Variants in MACF1 observed in about 807,000 individuals in gnomAD.
MACF1 encodes the protein microtubule-actin cross-linking factor 1.
MACF1 carries 193 observed loss-of-function variants against 854.8 expected under a neutral mutation model. The observed-to-expected ratio is 0.23, with a 90% CI of 0.20 to 0.25. The LOEUF is 0.25. MACF1 is among the 10% of genes least tolerant of loss of function. The probability of loss-of-function intolerance (pLI) is 1.00; values close to 1 mark genes in which losing one functional copy is unlikely to be tolerated. For synonymous variants in MACF1, 3,185 were observed against 3,226.7 expected (o/e 0.99, Z 0.44); for missense variants, 7,722 against 8,929.1 (o/e 0.86, Z 5.45).
At chr1:39,098,949 A>G (rs1208318338) in intron 2 of MACF1, among the ~76,000 whole-genome samples, 2 of 152,222 alleles carry the variant, frequency 1.3e-5, no homozygotes, top group African/African-American at 2.4e-5. Flanking sequence ...CTGGTGCCCA[A>G]GAGGCTGGTG....
chr1:39,097,169 G>C (rs77358798), intron 2 of MACF1, among the ~76,000 whole-genome samples: 2,594 of 152,028 alleles, frequency 0.017, 58 homozygotes, highest in African/African-American at 0.058. Context: ...GAGCCACCGC[G>C]CCTGGCCTCT....
chr1:39,106,581 A>T (rs1485245498), intron 2 of MACF1, among the ~76,000 whole-genome samples: 1 of 152,084 alleles, frequency 6.6e-6, no homozygotes, highest in Non-Finnish European at 1.5e-5. Flanking sequence ...GCTGGCAGTT[A>T]TGCTTTCCAC....
intron 2 of MACF1, among the ~76,000 whole-genome samples, chr1:39,168,417 G>A (rs566500034): frequency 1.3e-5 from 2 of 152,290 alleles, no homozygotes; most frequent in East Asian, 3.9e-4. Context: ...AGTTTTCTAA[G>A]GGGTAAGGCA....
intron 33 of MACF1, among the ~76,000 whole-genome samples, chr1:39,323,960 A>G (rs534422168): frequency 6.6e-6 from 1 of 152,200 alleles, no homozygotes; most frequent in Non-Finnish European, 1.5e-5. Context: ...TATATAAAAC[A>G]GTGGTTTGTA....
chr1:39,195,032 C>G (rs759648964), intron 2 of MACF1, among the ~76,000 whole-genome samples: 2 of 152,192 alleles, frequency 1.3e-5, no homozygotes, highest in Admixed American at 6.5e-5. Context: ...TATCTTCCTT[C>G]CAGCTCCAAG....
At chr1:39,450,784 T>C (rs1644327089) in intron 84 of MACF1, among the ~76,000 whole-genome samples, 1 of 151,896 alleles carries the variant, frequency 6.6e-6, no homozygotes, top group Non-Finnish European at 1.5e-5. Context: ...GCTAATTTTT[T>C]GTATTTTTAG....
At chr1:39,166,640 A>G (rs1272844381) in intron 2 of MACF1, among the ~76,000 whole-genome samples, 2 of 151,404 alleles carry the variant, frequency 1.3e-5, no homozygotes, top group Non-Finnish European at 2.9e-5. Flanking sequence ...TTTAGTAGAG[A>G]CGGGGTTTCA....
chr1:39,324,410 T>C, intron 34 of MACF1, 65 bp downstream of exon 34: 2 of 1,562,636 alleles, frequency 1.3e-6, no homozygotes, highest in Admixed American at 3.7e-5. Flanking sequence ...TTAGGTGGAA[T>C]AGTAGAAGTC....
At position 39,447,582 on chromosome 1, in the gene MACF1, C is replaced by A; in HGVS notation, c.19756C>A (p.His6586Asn). 6.2e-7 allele frequency: 1 copy of A among 1,614,096 alleles called. No individual in the cohort carries two copies. The highest frequency in any genetic ancestry group is 1.1e-5 in the South Asian group (1 of 91,072). ...TACTGTCCTTTCCCAGATAGAAGAG[C>A]ACAAGGTAAGTATGATATTATGATG... The part of the protein sequence containing the change: ...LNTVLSQIEE[H>N]KVFANEVNAH... Residue 6586 changes from histidine to asparagine, a missense_variant, in exon 81 of 101, where the codon CAC becomes AAC. Coordinates refer to ENST00000564288, the MANE Select transcript of MACF1 (RefSeq NM_001394062.1).
rs1042947463 is a variant in MACF1, at chr1:39,464,973, T to C, written c.21754-122T>C. ...AGGAGCTTGGTAAGAATATGTTCAGTGTGTGTCACTTTGCCAGAAAAATGT... is the reference window on the plus strand; with the variant it reads ...AGGAGCTTGGTAAGAATATGTTCAGCGTGTGTCACTTTGCCAGAAAAATGT... On this transcript the variant is annotated intron_variant, in intron 94 of 100. Coordinates refer to ENST00000564288, the MANE Select transcript of MACF1 (RefSeq NM_001394062.1). 18 of 864,366 alleles carry C rather than the reference T, an allele frequency of 2.1e-5. No homozygotes were observed. In the African/African-American group the frequency reaches 2.3e-4, roughly 11 times the overall value. 53.5% of individuals were successfully genotyped at this position (864,366 alleles called of 1,614,324 possible).
At chr1:39,274,102 G>A (rs973464026) in intron 6 of MACF1, among the ~76,000 whole-genome samples, 3 of 152,020 alleles carry the variant, frequency 2.0e-5, no homozygotes, top group African/African-American at 4.8e-5. Flanking sequence ...TTAGCTATGA[G>A]TTGATAATGG....
intron 6 of MACF1, among the ~76,000 whole-genome samples, chr1:39,275,476 C>T (rs970896350): frequency 6.6e-6 from 1 of 152,056 alleles, no homozygotes; most frequent in African/African-American, 2.4e-5. Context: ...GCCATAAACT[C>T]CTGGACTCAA....
chr1:39,133,591 AGGT>A (rs1025546747), intron 2 of MACF1, among the ~76,000 whole-genome samples: 18 of 151,948 alleles, frequency 1.2e-4, no homozygotes, highest in Non-Finnish European at 8.8e-5. Flanking sequence ...AACTTTATAA[AGGT>A]ATAATTGATA....
Position 39,335,742 on chromosome 1 carries a change from G to A in MACF1, c.9154G>A (p.Gly3052Arg). Residue 3052 changes from glycine (G) to arginine (R), a missense_variant, in exon 37 of 101, where the codon GGA becomes AGA. Physicochemically the swap from Gly to Arg is moderately radical, Grantham distance 125 (BLOSUM62 -2). Around this residue, in one of 15 missense-constraint regions of MACF1, gnomAD observed 854 missense variants for 852.6 expected, o/e 1.00. Coordinates refer to ENST00000564288, the MANE Select transcript of MACF1 (RefSeq NM_001394062.1). ...GTCCTCTTCCCAAGTGGTACCTCAA[G>A]GAATTTCTGTAAAACATTTAGATGC... ...EESSSQVVPQGISVKHLDALT... is the reference protein window; with the variant it reads ...EESSSQVVPQRISVKHLDALT... 6.2e-7 allele frequency: 1 copy of A among 1,613,930 alleles called. No homozygotes were observed. The highest frequency in any genetic ancestry group is 8.5e-7 in the Non-Finnish European group (1 of 1,179,968).
intron 61 of MACF1, 81 bp from the exon 62 acceptor site, chr1:39,427,374 A>C (rs1643760923): frequency 5.9e-6 from 7 of 1,192,012 alleles, no homozygotes; most frequent in Non-Finnish European, 8.4e-6. Flanking sequence ...GGAAAAGACT[A>C]TTCTTTTACT....
Position 39,429,955 on chromosome 1 carries a change from T to G in MACF1, c.17017T>G (p.Ser5673Ala), listed in dbSNP as rs568489666. The change falls in exon 65 of 101, where the codon TCT becomes GCT. Residue 5673 changes from serine (S) to alanine (A), a missense_variant. Around this residue, in one of 15 missense-constraint regions of MACF1, gnomAD observed 2,807 missense variants for 3,235.8 expected, o/e 0.87. Coordinates refer to ENST00000564288, the MANE Select transcript of MACF1 (RefSeq NM_001394062.1). ...QARQLATKFQ[S>A]TYEELTGWLR... ...CCGGCAGCTGGCCACCAAGTTCCAG[T>G]CTACTTATGAGGAACTGACCGGGTG... 3.2e-5 allele frequency: 51 copies of G among 1,614,006 alleles called. 1 individual carries two copies. The East Asian group carries it at 5.1e-4, about 16-fold the overall frequency.
intron 2 of MACF1, among the ~76,000 whole-genome samples, chr1:39,097,648 G>A (rs1388558902): frequency 6.6e-6 from 1 of 152,114 alleles, no homozygotes; most frequent in Non-Finnish European, 1.5e-5. Flanking sequence ...CTTGAGCCTG[G>A]GAGGTTGAGG....
At chr1:39,091,411 A>G (rs1557446320) in intron 2 of MACF1, among the ~76,000 whole-genome samples, 1 of 152,184 alleles carries the variant, frequency 6.6e-6, no homozygotes, top group Non-Finnish European at 1.5e-5. Flanking sequence ...GGGGAGCAAG[A>G]GCACTACCTC....
Position 39,105,392 on chromosome 1 carries a change from G to A in MACF1, c.220+20954G>A. 1 of 987,088 alleles carries A rather than the reference G, an allele frequency of 1.0e-6. No individual in the cohort carries two copies. Among genetic ancestry groups the A allele is most frequent in the Non-Finnish European group, 1.2e-6 (1 of 832,034 alleles). The allele number at this position is 987,088 out of a possible 1,614,324, so 61.1% of individuals were successfully genotyped here. ...GGGAGGAGCGGAGCCGAGGGGTGAG[G>A]ACGCGGAAACGCGAGCCGGGACCGG... On this transcript the variant is annotated intron_variant, in intron 2 of 93. Coordinates refer to the MACF1 transcript ENST00000361689. The surrounding 1 kb of genome is among the most constrained non-coding windows in gnomAD (Gnocchi z 5.9).
Sources: allele counts gnomAD v4.1 joint callset (sites outside exome capture counted in the v4.1 genomes callset), GRCh38; gene constraint gnomAD v4.1.1; regional missense constraint gnomAD v4.1.1; non-coding constraint Gnocchi (gnomAD v3.1); transcripts MANE v1.5; gene names NCBI Gene and HGNC (gene_info 2026-07-23, HGNC 2026-07-21).